The following METTL1 variants were observed in gnomAD, a reference collection of about 807,000 sequenced individuals.
METTL1 encodes methyltransferase 1, tRNA methylguanosine, also known as tRNA (guanine-N(7)-)-methyltransferase.
In METTL1, 14 loss-of-function variants were observed where a neutral mutation model predicts 27.7. That is an observed-to-expected ratio of 0.51 (90% confidence interval 0.33 to 0.79). The LOEUF is 0.79. Among genes scored for constraint, METTL1 ranks in the 30% least tolerant of loss-of-function variants. The pLI is 0.02. For missense variants in METTL1, 333 were observed against 359.6 expected (o/e 0.93, Z 0.60); for synonymous variants, 138 against 137.0 (o/e 1.01, Z -0.05).
At chr12:57,771,039 GGCA>G (rs1405296769) in intron 2 of METTL1, 52 bp downstream of exon 2, 9 of 1,572,562 alleles carry the variant, frequency 5.7e-6, no homozygotes, top group Non-Finnish European at 7.8e-6. Flanking sequence ...AAGTTGCTGA[GGCA>G]GCAGAAGCTA....
intron 4 of METTL1, 42 bp downstream of exon 4, chr12:57,769,523 G>A (rs1264842943): frequency 1.3e-6 from 2 of 1,498,440 alleles, no homozygotes; most frequent in South Asian, 1.3e-5. Flanking sequence ...AAGGGCCCCT[G>A]AGTAGGCCAC....
chr12:57,771,602 T>C, intron 1 of METTL1: 1 of 1,535,490 alleles, frequency 6.5e-7, no homozygotes, highest in Admixed American at 2.0e-5. Flanking sequence ...TTTGTGTTTG[T>C]GCTCTGCGGG....
intron 1 of METTL1, chr12:57,771,507 T>C: frequency 6.6e-7 from 1 of 1,525,632 alleles, no homozygotes; most frequent in East Asian, 2.4e-5. Flanking sequence ...TGGCGGTTGA[T>C]GTGACCCTGG....
chr12:57,768,788 G>A lies in METTL1; in HGVS notation c.*208C>T, dbSNP rs1955389785. 1.9e-6 allele frequency: 1 copy of A among 527,482 alleles called. No individual in the cohort carries two copies. Among genetic ancestry groups the A allele is most frequent in the Non-Finnish European group, 3.3e-6 (1 of 303,508 alleles). 32.7% of individuals were successfully genotyped at this position (527,482 alleles called of 1,614,324 possible). ...AGTCCTTTGACCATCTCAGTCAGCTGCTTTGTTTTCTGTTGGCAGTGGAGG... is the reference window on the plus strand; with the variant it reads ...AGTCCTTTGACCATCTCAGTCAGCTACTTTGTTTTCTGTTGGCAGTGGAGG... On this transcript the variant is annotated 3_prime_UTR_variant, in exon 6 of 6. Transcript: ENST00000324871.
chr12:57,768,896 C>T lies in METTL1; in HGVS notation c.*100G>A. On this transcript the variant is annotated 3_prime_UTR_variant, in exon 6 of 6. Transcript: ENST00000324871. ...GCTCCCCACCTTCTTTAAGAGAGTA[C>T]TGTGTCTCAGCTCCAGCAGTCTCAA... is the stretch of plus-strand genomic sequence containing the variant. 2.8e-6 allele frequency: 4 copies of T among 1,451,130 alleles called. No individual in the cohort carries two copies. The highest frequency in any genetic ancestry group is 3.8e-6 in the Non-Finnish European group (4 of 1,065,250). The allele number at this position is 1,451,130 out of a possible 1,614,324, so 89.9% of individuals were successfully genotyped here.
intron 1 of METTL1, 90 bp downstream of exon 1, chr12:57,771,884 C>G (rs1194169866): frequency 4.3e-6 from 6 of 1,410,996 alleles, no homozygotes; most frequent in Non-Finnish European, 4.7e-6. Flanking sequence ...CCGGGTCTAC[C>G]CCAAATCCTC....
At position 57,769,777 on chromosome 12, in the gene METTL1, C is replaced by T. The variant is rs777311679; in HGVS notation, c.454G>A (p.Gly152Ser). ...CCACCAGGGCCCCTCCCCACCTGGC[C>T]CTTGTAGAAGAAGTTAGGAAGGTGC... Reference protein sequence around the residue: ...MKHLPNFFYKGQLTKMFFLFP... With the variant: ...MKHLPNFFYKSQLTKMFFLFP... Residue 152 changes from glycine (G) to serine (S), a missense_variant, in exon 3 of 6, where the codon GGC (glycine) becomes AGC (serine). Coordinates refer to ENST00000324871, the MANE Select transcript of METTL1 (RefSeq NM_005371.6). The T allele has an allele frequency of 2.4e-5, 38 of 1,614,000 alleles. No individual in the cohort carries two copies. In the East Asian group the frequency reaches 4.5e-4, roughly 19 times the overall value.
rs750316053 is a variant in METTL1 at position 57,769,782 on chromosome 12, TAGA to T, written c.446_448del (p.Phe149del). On this transcript the variant is annotated inframe_deletion, in exon 3 of 6. Transcript: ENST00000324871. ...AGGGCCCCTCCCCACCTGGCCCTTG[TAGA>T]AGAAGTTAGGAAGGTGCTTCATGGC... The T allele has an allele frequency of 8.7e-6, 14 of 1,613,958 alleles. No individual in the cohort carries two copies. The highest frequency in any genetic ancestry group is 2.2e-5 in the East Asian group (1 of 44,890).
At position 57,769,683 on chromosome 12, in the gene METTL1, G is replaced by C; in HGVS notation, c.460-5C>G. 6.3e-7 allele frequency: 1 copy of C among 1,582,318 alleles called. No homozygotes were observed. The highest frequency in any genetic ancestry group is 8.6e-7 in the Non-Finnish European group (1 of 1,160,558). Reference sequence around the variant, plus strand: ...GAGGAAGAACATCTTTGTCAGCTGTGAGACAGACACACACCAACAGGGTTG... The same window carrying C: ...GAGGAAGAACATCTTTGTCAGCTGTCAGACAGACACACACCAACAGGGTTG... On this transcript the variant is annotated splice_polypyrimidine_tract_variant and splice_region_variant and intron_variant, in intron 3 of 5. Transcript: ENST00000324871.
At chr12:57,771,348 G>GGGGC in intron 1 of METTL1, 91 bp from the exon 2 acceptor site, 2 of 670,830 alleles carry the variant, frequency 3.0e-6, no homozygotes, top group Non-Finnish European at 5.0e-6. Context: ...GTGAGGGTGG[G>GGGGC]AGGTAAAAGG....
At chr12:57,770,137 C>T (rs1039535334) in intron 2 of METTL1, among the ~76,000 whole-genome samples, 181 bp from the exon 3 acceptor site, 2 of 152,260 alleles carry the variant, frequency 1.3e-5, no homozygotes, top group East Asian at 3.9e-4. Context: ...AAAATTGTCA[C>T]CAGGACCAGA....
intron 1 of METTL1, 86 bp from the exon 2 acceptor site, chr12:57,771,343 G>A: frequency 6.7e-7 from 1 of 1,500,952 alleles, no homozygotes; most frequent in Non-Finnish European, 9.0e-7. Context: ...GGTGGGTGAG[G>A]GTGGGAGGTA....
intron 1 of METTL1, chr12:57,771,699 C>T (rs970434921): frequency 2.0e-6 from 3 of 1,482,568 alleles, no homozygotes; most frequent in Non-Finnish European, 2.7e-6. Flanking sequence ...AAGATGGAAA[C>T]GACATTCTGC....
rs368673789 is a variant in METTL1, at chr12:57,769,773, T to C, written c.458A>G (p.Gln153Arg). 5.8e-5 allele frequency: 93 copies of C among 1,614,020 alleles called. No individual in the cohort carries two copies. Among genetic ancestry groups the C allele is most frequent in the Non-Finnish European group, 7.7e-5 (91 of 1,179,992 alleles). The part of the protein sequence containing the change: ...KHLPNFFYKG[Q>R]LTKMFFLFPD... ...TAACCCACCAGGGCCCCTCCCCACC[T>C]GGCCCTTGTAGAAGAAGTTAGGAAG... The change falls in exon 3 of 6, where the codon CAG (glutamine) becomes CGG (arginine). Residue 153 changes from glutamine (Q) to arginine (R), a missense_variant and splice_region_variant. Coordinates refer to ENST00000324871, the MANE Select transcript of METTL1 (RefSeq NM_005371.6).
Position 57,768,984 on chromosome 12 carries a change from T to C in METTL1, c.*12A>G. The C allele has an allele frequency of 6.3e-7, 1 of 1,593,020 alleles. No individual in the cohort carries two copies. Among genetic ancestry groups the C allele is most frequent in the Non-Finnish European group, 8.6e-7 (1 of 1,163,996 alleles). ...CCTGGGAGACGAGGTCCAGCTAAGG[T>C]AGAGTAAGCAGTCAGTGACCAGGCA... On this transcript the variant is annotated 3_prime_UTR_variant, in exon 6 of 6. Transcript: ENST00000324871.
Position 57,769,836 on chromosome 12 carries a change from T to C in METTL1, c.395A>G (p.Gln132Arg). Residue 132 changes from glutamine to arginine, a missense_variant, in exon 3 of 6, where the codon CAG becomes CGG. Coordinates refer to ENST00000324871, the MANE Select transcript of METTL1 (RefSeq NM_005371.6). ...ATTGCTACGGAGACAGGCGATGTTC[T>C]GGAAGCCACCTGCAGGAGCTGCGCG... is the stretch of plus-strand genomic sequence containing the variant. ...ALRAAPAGGF[Q>R]NIACLRSNAM... 1.2e-6 allele frequency: 2 copies of C among 1,614,222 alleles called. No homozygotes were observed. The highest frequency in any genetic ancestry group is 1.7e-6 in the Non-Finnish European group (2 of 1,180,040).
chr12:57,769,064 T>C lies in METTL1; in HGVS notation c.763A>G (p.Ile255Val), dbSNP rs1173003790. The C allele has an allele frequency of 3.1e-6, 5 of 1,612,294 alleles. No individual in the cohort carries two copies. The South Asian group carries it at 4.4e-5, about 14-fold the overall frequency. Residue 255 changes from isoleucine to valine, a missense_variant, in exon 6 of 6, where the codon ATC becomes GTC. Transcript: ENST00000324871. ...LRNGGKNFPA[I>V]FRRIQDPVLQ... Reference sequence around the variant, plus strand: ...ACGGGATCTTGTATTCTTCGGAAGATGGCTGGGAAATTCTTCCCTCCATTA... The same window carrying C: ...ACGGGATCTTGTATTCTTCGGAAGACGGCTGGGAAATTCTTCCCTCCATTA...
chr12:57,771,351 G>A, intron 1 of METTL1, 94 bp from the exon 2 acceptor site: 1 of 1,505,758 alleles, frequency 6.6e-7, no homozygotes, highest in Non-Finnish European at 8.9e-7. Context: ...AGGGTGGGAG[G>A]TAAAAGGGAG....
chr12:57,770,973 G>T, intron 2 of METTL1, 121 bp downstream of exon 2: 1 of 1,072,050 alleles, frequency 9.3e-7, no homozygotes, highest in Non-Finnish European at 1.3e-6. Flanking sequence ...GCCTCTCCAT[G>T]CTGATGTCAC....
Sources: allele counts gnomAD v4.1 joint callset (sites outside exome capture counted in the v4.1 genomes callset), GRCh38; gene constraint gnomAD v4.1.1; transcripts MANE v1.5; gene names NCBI Gene and HGNC (gene_info 2026-07-23, HGNC 2026-07-21).